DPP10: variants seen among roughly 807,000 people sequenced by gnomAD.
The protein encoded by DPP10 is inactive dipeptidyl peptidase 10.
A neutral mutation model predicts 120.9 loss-of-function variants in DPP10; 33 were observed. The ratio of observed to expected loss-of-function variants is 0.27; its 90% confidence interval spans 0.21 to 0.37. The LOEUF (loss-of-function observed/expected upper bound fraction) is 0.37, where lower values mean the gene tolerates loss of function less well. Among genes scored for constraint, DPP10 ranks in the 10% least tolerant of loss-of-function variants. The probability of loss-of-function intolerance (pLI) is 1.00; values close to 1 mark genes in which losing one functional copy is unlikely to be tolerated. For synonymous variants in DPP10, 337 were observed against 326.1 expected (o/e 1.03, Z -0.36); for missense variants, 816 against 942.8 (o/e 0.87, Z 1.76).
chr2:115,829,818 T>G, intron 21 of DPP10, among the ~76,000 whole-genome samples: 1 of 152,114 alleles, frequency 6.6e-6, no homozygotes, highest in East Asian at 1.9e-4. Flanking sequence ...AACTAGCTTG[T>G]TGGGATAATG....
intron 1 of DPP10, among the ~76,000 whole-genome samples, chr2:114,846,618 G>A (rs1187936638): frequency 6.6e-6 from 1 of 151,182 alleles, no homozygotes; most frequent in Non-Finnish European, 1.5e-5. Flanking sequence ...ATTTGAAGTT[G>A]GCCAAAGTGT....
intron 3 of DPP10, among the ~76,000 whole-genome samples, chr2:115,379,763 C>T (rs1202169239): frequency 1.3e-4 from 20 of 152,158 alleles, no homozygotes; most frequent in Admixed American, 7.8e-4. Flanking sequence ...TATTTGTTCT[C>T]GTTGGTTTCA....
intron 1 of DPP10, among the ~76,000 whole-genome samples, chr2:114,893,964 C>T (rs144219936): frequency 2.6e-4 from 40 of 152,302 alleles, no homozygotes; most frequent in African/African-American, 8.9e-4. Context: ...TTGCTATCCT[C>T]ATTTTTCTTC....
intron 1 of DPP10, chr2:115,162,271 A>G: frequency 6.4e-7 from 1 of 1,552,836 alleles, no homozygotes; most frequent in Non-Finnish European, 8.7e-7. Flanking sequence ...GGGGGCAGAG[A>G]GGTAAAGGCT....
chr2:114,942,464 A>G (rs1251296511), intron 1 of DPP10, among the ~76,000 whole-genome samples: 1 of 146,516 alleles, frequency 6.8e-6, no homozygotes, highest in Non-Finnish European at 1.5e-5. Context: ...TATTTTGGCC[A>G]ATTCAATTGG....
chr2:115,699,542 C>T (rs753344673), intron 7 of DPP10, among the ~76,000 whole-genome samples: 13 of 152,138 alleles, frequency 8.5e-5, no homozygotes, highest in Non-Finnish European at 1.8e-4. Flanking sequence ...GCAGAGGTTG[C>T]AGTGAGTTGT....
At chr2:114,832,356 A>T (rs1687213448) in intron 1 of DPP10, among the ~76,000 whole-genome samples, 1 of 152,120 alleles carries the variant, frequency 6.6e-6, no homozygotes, top group Admixed American at 6.5e-5. Context: ...ACACGGTGAA[A>T]CACCGCCTCT....
chr2:115,364,385 A>G (rs2064962566), intron 3 of DPP10, among the ~76,000 whole-genome samples: 1 of 152,010 alleles, frequency 6.6e-6, no homozygotes, highest in Admixed American at 6.6e-5. Flanking sequence ...TCACCACACT[A>G]TCACTTTTTA....
chr2:114,823,952 A>G (rs1163589860), intron 1 of DPP10, among the ~76,000 whole-genome samples: 1 of 152,224 alleles, frequency 6.6e-6, no homozygotes, highest in African/African-American at 2.4e-5. Context: ...AGGGACTGGG[A>G]GGAAGGCATG....
chr2:114,652,317 G>A (rs1466675558), intron 1 of DPP10, among the ~76,000 whole-genome samples: 1 of 152,140 alleles, frequency 6.6e-6, no homozygotes, highest in African/African-American at 2.4e-5. Flanking sequence ...CAGGCAAAAA[G>A]GTAAATGCAG....
At chr2:115,498,215 C>CTT (rs781381136) in intron 3 of DPP10, among the ~76,000 whole-genome samples, 1 of 152,176 alleles carries the variant, frequency 6.6e-6, no homozygotes, top group African/African-American at 2.4e-5. Flanking sequence ...ATTCTTGACT[C>CTT]TAACAGGAGA....
At chr2:115,273,582 C>T (rs1050188356) in intron 1 of DPP10, among the ~76,000 whole-genome samples, 25 of 152,252 alleles carry the variant, frequency 1.6e-4, no homozygotes, top group Admixed American at 6.5e-4. Context: ...GTGATCCGCC[C>T]GCCTCGGCCT....
At chr2:115,136,103 C>T (rs967510495) in intron 1 of DPP10, among the ~76,000 whole-genome samples, 1 of 151,958 alleles carries the variant, frequency 6.6e-6, no homozygotes, top group African/African-American at 2.4e-5. Flanking sequence ...TCTTGATTTT[C>T]TGAGGAGTAT....
At chr2:115,456,267 C>A (rs1163943460) in intron 3 of DPP10, among the ~76,000 whole-genome samples, 5 of 152,090 alleles carry the variant, frequency 3.3e-5, no homozygotes, top group Admixed American at 3.3e-4. Flanking sequence ...TATATATCAT[C>A]TCACGCCAGT....
At chr2:115,516,808 A>C (rs1054899944) in intron 4 of DPP10, among the ~76,000 whole-genome samples, 8 of 152,096 alleles carry the variant, frequency 5.3e-5, no homozygotes, top group African/African-American at 1.9e-4. Context: ...CTTCCAAATC[A>C]ATTGAAAATG....
chr2:114,671,292 C>T (rs1405636584), intron 1 of DPP10, among the ~76,000 whole-genome samples: 2 of 152,156 alleles, frequency 1.3e-5, no homozygotes, highest in African/African-American at 4.8e-5. Context: ...CCTAAAGATG[C>T]ATTCCTCACA....
At chr2:115,480,979 G>A (rs192171050) in intron 3 of DPP10, among the ~76,000 whole-genome samples, 2 of 152,246 alleles carry the variant, frequency 1.3e-5, no homozygotes, top group Admixed American at 1.3e-4. Context: ...CAAACAGGTG[G>A]CTTGAATTAA....
intron 3 of DPP10, among the ~76,000 whole-genome samples, chr2:115,437,648 T>C (rs1380862771): frequency 1.3e-5 from 2 of 152,066 alleles, no homozygotes; most frequent in Non-Finnish European, 2.9e-5. Context: ...GCAACTGAAA[T>C]ATTCATAATC....
At chr2:114,522,767 G>T (rs1326580657) in intron 1 of DPP10, among the ~76,000 whole-genome samples, 6 of 152,086 alleles carry the variant, frequency 3.9e-5, no homozygotes, top group Admixed American at 3.9e-4. Context: ...GGCTGGGGAG[G>T]CCTCACAATC....
Sources: gnomAD v4.1 joint callset for allele counts (sites outside exome capture counted in the v4.1 genomes callset) on GRCh38, gnomAD v4.1.1 for gene constraint, MANE v1.5 for transcripts, NCBI Gene and HGNC (gene_info 2026-07-23, HGNC 2026-07-21) for gene names.